CMTM4: variants seen among roughly 807,000 people sequenced by gnomAD.
CMTM4 encodes the protein CKLF like MARVEL transmembrane domain containing 4.
Under a neutral mutation model 19.0 loss-of-function variants are expected in CMTM4, and 8 were observed. The observed-to-expected ratio is 0.42, with a 90% CI of 0.25 to 0.76. The LOEUF (loss-of-function observed/expected upper bound fraction) is 0.76. CMTM4 is among the 30% of genes least tolerant of loss of function. CMTM4 has a pLI of 0.27. For synonymous variants in CMTM4, 106 were observed against 121.1 expected, an observed-to-expected ratio of 0.88 and a Z score of 0.82; for missense variants, 228 against 290.2, an observed-to-expected ratio of 0.79 and a Z score of 1.56.
intron 1 of CMTM4, among the ~76,000 whole-genome samples, chr16:66,670,268 G>A (rs2016678500): frequency 6.6e-6 from 1 of 150,488 alleles, no homozygotes; most frequent in Admixed American, 6.7e-5. Flanking sequence ...CCAACATGGT[G>A]AAACCCCGTC....
chr16:66,682,531 T>A (rs935152712), intron 1 of CMTM4, among the ~76,000 whole-genome samples: 1 of 152,192 alleles, frequency 6.6e-6, no homozygotes, highest in African/African-American at 2.4e-5. Flanking sequence ...TCCAGAACTA[T>A]CCACACTTGA....
intron 1 of CMTM4, among the ~76,000 whole-genome samples, chr16:66,639,088 G>T (rs892927370): frequency 6.6e-6 from 1 of 152,172 alleles, no homozygotes; most frequent in Admixed American, 6.5e-5. Context: ...TACACACTGT[G>T]CTTCTCCTAA....
chr16:66,609,293 T>C, the CMTM4 span: 1 of 682,772 alleles, frequency 1.5e-6, no homozygotes. This position sits in a 1 kb window ranked among gnomAD's most constrained non-coding sequence, Gnocchi z 4.4. Flanking sequence ...GACAAGGGCC[T>C]AGGCATGTGG....
intron 1 of CMTM4, among the ~76,000 whole-genome samples, chr16:66,643,456 T>C (rs1305811604): frequency 3.3e-5 from 5 of 152,002 alleles, no homozygotes; most frequent in African/African-American, 1.2e-4. Flanking sequence ...AATATGTGGG[T>C]AGTAGAGGAG....
rs2015594107 is a variant in CMTM4, at chr16:66,619,732, C to T, written c.*2326G>A. 1.0e-6 allele frequency: 1 copy of T among 985,340 alleles called. No homozygotes were observed. The highest frequency in any genetic ancestry group is 1.2e-6 in the Non-Finnish European group (1 of 829,910). The allele number at this position is 985,340 out of a possible 1,614,324, so 61.0% of individuals were successfully genotyped here. ...ATCAACTAGAAAGCGTCCATAGCAC[C>T]ACTTCCGGTTCTAGTGGGAGTTAAT... On this transcript the variant is annotated 3_prime_UTR_variant, in exon 4 of 4. Coordinates refer to ENST00000394106, the MANE Select transcript of CMTM4 (RefSeq NM_181521.3).
intron 1 of CMTM4, among the ~76,000 whole-genome samples, chr16:66,666,307 G>A (rs1227708181): frequency 1.3e-5 from 2 of 151,818 alleles, no homozygotes; most frequent in Non-Finnish European, 2.9e-5. Flanking sequence ...AAAAAAATTA[G>A]CCAGGCGTCA....
At position 66,638,859 on chromosome 16, in the gene CMTM4, C is replaced by CA. The variant is rs543697662; in HGVS notation, c.187-2279dup. 3.3e-4 allele frequency among the ~76,000 whole-genome samples: 47 copies of CA among 140,918 alleles called. No individual in the cohort carries two copies. In the South Asian group the frequency reaches 4.8e-3, roughly 14 times the overall value. The allele number at this position is 140,918 out of a possible 152,430, so 92.4% of individuals were successfully genotyped here. On this transcript the variant is annotated intron_variant, in intron 1 of 3. Coordinates refer to ENST00000394106, the MANE Select transcript of CMTM4 (RefSeq NM_181521.3). The stretch of plus-strand genomic sequence containing the variant: ...TGGGCGACAGAGTGAGACTCCATCT[C>CA]AAAAAAAACAAAAACAAAAGCAAAC...
intron 2 of CMTM4, among the ~76,000 whole-genome samples, chr16:66,630,857 G>A (rs1596911227): frequency 6.6e-6 from 1 of 151,146 alleles, no homozygotes; most frequent in African/African-American, 2.4e-5. Flanking sequence ...AGTGAGGAGC[G>A]TCTCTGCCCG....
intron 1 of CMTM4, among the ~76,000 whole-genome samples, chr16:66,685,491 G>A (rs550062803): frequency 6.6e-6 from 1 of 152,128 alleles, no homozygotes; most frequent in African/African-American, 2.4e-5. Flanking sequence ...GCTCAAGTCT[G>A]TACAGCACGA....
chr16:66,630,853 G>A (rs1276792960), intron 2 of CMTM4, among the ~76,000 whole-genome samples: 3 of 151,072 alleles, frequency 2.0e-5, no homozygotes, highest in Non-Finnish European at 3.0e-5. Flanking sequence ...AGGAAGTGAG[G>A]AGCGTCTCTG....
At chr16:66,671,359 C>G (rs2016703853) in intron 1 of CMTM4, among the ~76,000 whole-genome samples, 1 of 152,112 alleles carries the variant, frequency 6.6e-6, no homozygotes, top group South Asian at 2.1e-4. Flanking sequence ...GGTGAAGAGG[C>G]CGAAGGCCTC....
chr16:66,673,096 T>TTTTTTTTTTA (rs2016743534), intron 1 of CMTM4, among the ~76,000 whole-genome samples: 1 of 135,460 alleles, frequency 7.4e-6, no homozygotes, highest in Non-Finnish European at 1.6e-5. Context: ...TTTTTTTTTT[T>TTTTTTTTTTA]GTATTTTTTA....
At chr16:66,609,777 C>T (rs769993909), downstream of CMTM4, 15 of 1,607,588 alleles carry the variant, frequency 9.3e-6, no homozygotes, top group Admixed American at 5.1e-5. The surrounding 1 kb of genome is among the most constrained non-coding windows in gnomAD (Gnocchi z 4.4). Flanking sequence ...GCCTGACACT[C>T]GGGCTGTTTG....
In CMTM4 at chr16:66,619,857, C is replaced by A; in HGVS notation, c.*2201G>T. The A allele has an allele frequency of 1.0e-6, 1 of 985,334 alleles. No homozygotes were observed. Among genetic ancestry groups the A allele is most frequent in the Non-Finnish European group, 1.2e-6 (1 of 829,908 alleles). The allele number at this position is 985,334 out of a possible 1,614,324, so 61.0% of individuals were successfully genotyped here. A position where few individuals can be genotyped will look rare whatever the true frequency, so the allele number is the denominator to read the frequency against. On this transcript the variant is annotated 3_prime_UTR_variant, in exon 4 of 4. Transcript: ENST00000394106. The stretch of plus-strand genomic sequence containing the variant: ...ATAAATAATTCTGAAGAGTCTATCA[C>A]GAAGATGCAAATTAACTCCTAAGTC...
At chr16:66,693,560 G>A (rs959690896) in intron 1 of CMTM4, among the ~76,000 whole-genome samples, 2 of 152,082 alleles carry the variant, frequency 1.3e-5, no homozygotes, top group Non-Finnish European at 2.9e-5. Flanking sequence ...ATCAAGGCTG[G>A]GAAGCCAACT....
At chr16:66,639,698 C>T (rs1054790120) in intron 1 of CMTM4, among the ~76,000 whole-genome samples, 1 of 152,066 alleles carries the variant, frequency 6.6e-6, no homozygotes, top group Non-Finnish European at 1.5e-5. Context: ...GCCTGGCCAA[C>T]ATGGCGAAAT....
chr16:66,683,208 T>TAC (rs2016971663), intron 1 of CMTM4, among the ~76,000 whole-genome samples: 2 of 139,434 alleles, frequency 1.4e-5, no homozygotes, highest in South Asian at 4.6e-4. Flanking sequence ...TATATATATA[T>TAC]ATAAATTTTC....
the CMTM4 span, among the ~76,000 whole-genome samples, chr16:66,600,047 T>C: frequency 6.6e-6 from 1 of 152,050 alleles, no homozygotes; most frequent in African/African-American, 2.4e-5. Context: ...TTCAAATCTT[T>C]GGCCCATTAA....
chr16:66,646,103 C>T (rs945730227), intron 1 of CMTM4, among the ~76,000 whole-genome samples: 1 of 152,190 alleles, frequency 6.6e-6, no homozygotes, highest in Admixed American at 6.5e-5. Context: ...GGAAAGGGTC[C>T]AAGGGATACT....
Sources: gnomAD v4.1 joint callset for allele counts (sites outside exome capture counted in the v4.1 genomes callset) on GRCh38, gnomAD v4.1.1 for gene constraint, Gnocchi (gnomAD v3.1) non-coding constraint, MANE v1.5 for transcripts, NCBI Gene and HGNC (gene_info 2026-07-23, HGNC 2026-07-21) for gene names.